Variants in KIT observed in about 807,000 individuals in gnomAD.
KIT encodes the protein KIT proto-oncogene, receptor tyrosine kinase.
Under a neutral mutation model 105.7 loss-of-function variants are expected in KIT, and 16 were observed. That is an observed-to-expected ratio of 0.15 (90% CI 0.10 to 0.23). KIT has a LOEUF of 0.23. Ranked by LOEUF, KIT falls within the 10% of genes least tolerant of loss-of-function variation. The pLI is 1.00. For missense variants in KIT, 858 were observed against 1,213.8 expected, an observed-to-expected ratio of 0.71 and a Z score of 4.36; for synonymous variants, 438 against 441.1, an observed-to-expected ratio of 0.99 and a Z score of 0.09.
chr4:54,721,570 A>G (rs956880723), intron 7 of KIT, among the ~76,000 whole-genome samples: 4 of 152,164 alleles, frequency 2.6e-5, no homozygotes, highest in African/African-American at 9.7e-5. Flanking sequence ...TATTAGCCAA[A>G]TGGCCTGCTC....
intron 1 of KIT, among the ~76,000 whole-genome samples, chr4:54,674,844 A>G (rs1367574933): frequency 1.3e-5 from 2 of 152,202 alleles, no homozygotes; most frequent in Admixed American, 6.5e-5. Context: ...AAAAATTTAT[A>G]AGAACTGACA....
At chr4:54,661,758 A>G (rs1269813908) in intron 1 of KIT, among the ~76,000 whole-genome samples, 1 of 152,232 alleles carries the variant, frequency 6.6e-6, no homozygotes, top group Non-Finnish European at 1.5e-5. Flanking sequence ...GGCCTGGGGA[A>G]GAGTTAGAGG....
At chr4:54,701,142 G>C (rs1325786758) in intron 4 of KIT, among the ~76,000 whole-genome samples, 1 of 152,212 alleles carries the variant, frequency 6.6e-6, no homozygotes, top group Non-Finnish European at 1.5e-5. Flanking sequence ...CAGGAGCCCT[G>C]CATGCCAGTC....
At chr4:54,722,811 ATATTTATATATATATATG>A (rs1379604477) in intron 7 of KIT, among the ~76,000 whole-genome samples, 7 of 41,070 alleles carry the variant, frequency 1.7e-4, no homozygotes, top group Non-Finnish European at 3.6e-4. Context: ...ATTTATATAT[ATATTTATATATATATATG>A]TATTTATATA....
In KIT at chr4:54,709,437, C is replaced by G. The variant is rs1459672424; in HGVS notation, c.1129C>G (p.Leu377Val). ...TTTTCTTTGTAGATACGTAAGTGAA[C>G]TTCATCTAACGAGATTAAAAGGCAC... is the stretch of plus-strand genomic sequence containing the variant. ...NESNIRYVSE[L>V]HLTRLKGTEG... The change falls in exon 7 of 21, where the codon CTT (leucine) becomes GTT (valine). Residue 377 changes from leucine to valine, a missense_variant. Physicochemically the swap from Leu to Val is conservative, Grantham distance 32. Coordinates refer to ENST00000288135, the MANE Select transcript of KIT (RefSeq NM_000222.3). 1.9e-6 allele frequency: 3 copies of G among 1,609,818 alleles called. No homozygotes were observed. The South Asian group carries it at 3.3e-5, about 18-fold the overall frequency.
chr4:54,671,806 G>A (rs1305996890), intron 1 of KIT, among the ~76,000 whole-genome samples: 1 of 152,090 alleles, frequency 6.6e-6, no homozygotes, highest in African/African-American at 2.4e-5. Flanking sequence ...TTTCAAATAG[G>A]ATAGTGTAAT....
At chr4:54,679,021 C>T (rs547432207) in intron 1 of KIT, among the ~76,000 whole-genome samples, 1 of 152,084 alleles carries the variant, frequency 6.6e-6, no homozygotes, top group South Asian at 2.1e-4. Context: ...ACTGAGGCCA[C>T]CCAGGGTGAG....
Position 54,729,449 on chromosome 4 carries a change from T to C in KIT, c.2105T>C (p.Leu702Pro), listed in dbSNP as rs541585774. ...SKQEDHAEAA[L>P]YKNLLHSKES... ...CAGGAAGATCATGCAGAAGCTGCAC[T>C]TTATAAGAATCTTCTGCATTCAAAG... Residue 702 changes from leucine to proline, a missense_variant, in exon 14 of 21, where the codon CTT (leucine) becomes CCT (proline). This residue lies in a region of KIT where 158 missense variants were observed against 218.7 expected (regional missense o/e 0.72). Transcript: ENST00000288135. 5 of 1,613,672 alleles carry C rather than the reference T, an allele frequency of 3.1e-6. No individual in the cohort carries two copies. The African/African-American group carries it at 6.7e-5, about 22-fold the overall frequency.
intron 1 of KIT, among the ~76,000 whole-genome samples, chr4:54,659,940 T>G (rs1033801708): frequency 6.6e-6 from 1 of 152,206 alleles, no homozygotes; most frequent in Non-Finnish European, 1.5e-5. Context: ...TCTCGGTTTC[T>G]CTGCCATTTC....
intron 17 of KIT, among the ~76,000 whole-genome samples, chr4:54,736,001 G>C (rs1722903003): frequency 6.6e-6 from 1 of 152,146 alleles, no homozygotes; most frequent in Non-Finnish European, 1.5e-5. Context: ...GCACGTGCCA[G>C]CTATATTGTA....
rs761755791 is a variant in KIT, at chr4:54,658,087, A to G, written c.67+6A>G. 6.8e-6 allele frequency: 11 copies of G among 1,613,562 alleles called. No homozygotes were observed. The South Asian group carries it at 1.1e-4, about 16-fold the overall frequency. The stretch of plus-strand genomic sequence containing the variant: ...ACTGCTTCGCGTCCAGACAGGTGGG[A>G]CACCGCGGCTGGCACCCCGACCGTG... On this transcript the variant is annotated splice_donor_region_variant and intron_variant, in intron 1 of 20. Coordinates refer to ENST00000288135, the MANE Select transcript of KIT (RefSeq NM_000222.3).
At chr4:54,672,512 A>G (rs1391475832) in intron 1 of KIT, among the ~76,000 whole-genome samples, 1 of 152,134 alleles carries the variant, frequency 6.6e-6, no homozygotes, top group Non-Finnish European at 1.5e-5. Context: ...TGCTACCATA[A>G]TATTTAAATT....
intron 1 of KIT, among the ~76,000 whole-genome samples, chr4:54,675,124 C>G (rs574118195): frequency 3.9e-5 from 6 of 152,200 alleles, no homozygotes; most frequent in African/African-American, 1.4e-4. Flanking sequence ...TTCCTTCCTC[C>G]AACCTGAGTT....
At chr4:54,694,197 C>G (rs1577950457) in intron 1 of KIT, among the ~76,000 whole-genome samples, 1 of 152,222 alleles carries the variant, frequency 6.6e-6, no homozygotes, top group East Asian at 1.9e-4. Context: ...CTGAATAACT[C>G]TAGAGGCTCT....
intron 7 of KIT, among the ~76,000 whole-genome samples, chr4:54,722,889 T>TTA (rs34365827): frequency 0.013 from 1,935 of 146,212 alleles, 40 homozygotes; most frequent in African/African-American, 0.046. Context: ...ATATATGTAT[T>TTA]TATATATATA....
chr4:54,738,394 G>T (rs2109817714), intron 20 of KIT, 35 bp from the exon 21 acceptor site: 2 of 1,613,096 alleles, frequency 1.2e-6, no homozygotes, highest in South Asian at 1.1e-5. Context: ...TCGTTGTAGG[G>T]ACTGCTGTAT....
rs2109705409 is a variant in KIT at position 54,707,195 on chromosome 4, C to T, written c.1023C>T (p.Pro341=). ...VDLIVEYEAF[P]KPEHQQWIYM... ...TGATTGTTGAATATGAAGCATTCCC[C>T]AAACCTGAACACCAGCAGTGGATCT... Residue 341 remains proline, a synonymous_variant, in exon 6 of 21, where the codon CCC becomes CCT. Coordinates refer to ENST00000288135, the MANE Select transcript of KIT (RefSeq NM_000222.3). 2 of 1,607,158 alleles carry T rather than the reference C, an allele frequency of 1.2e-6. No homozygotes were observed. The highest frequency in any genetic ancestry group is 2.2e-5 in the South Asian group (2 of 90,922).
intron 1 of KIT, among the ~76,000 whole-genome samples, chr4:54,663,087 T>TA (rs1004631550): frequency 2.0e-5 from 3 of 152,216 alleles, no homozygotes; most frequent in African/African-American, 7.2e-5. Flanking sequence ...CTTTCATGCT[T>TA]ACATTTTGGT....
intron 1 of KIT, among the ~76,000 whole-genome samples, chr4:54,689,787 G>A (rs543177206): frequency 2.6e-5 from 4 of 152,234 alleles, no homozygotes; most frequent in African/African-American, 7.2e-5. Context: ...TCACAATGTT[G>A]TGTAACCATC....
Sources: gnomAD v4.1 joint callset for allele counts (sites outside exome capture counted in the v4.1 genomes callset) on GRCh38, gnomAD v4.1.1 for gene constraint, gnomAD v4.1.1 regional missense constraint, MANE v1.5 for transcripts, NCBI Gene and HGNC (gene_info 2026-07-23, HGNC 2026-07-21) for gene names.